CHST15: variants seen among roughly 807,000 people sequenced by gnomAD.
CHST15 encodes the protein carbohydrate sulfotransferase 15.
In CHST15, 30 loss-of-function variants were observed where a neutral mutation model predicts 53.6. That is an observed-to-expected ratio of 0.56 (90% CI 0.42 to 0.76). The LOEUF (loss-of-function observed/expected upper bound fraction) is 0.76. CHST15 is among the 30% of genes least tolerant of loss of function. The probability of loss-of-function intolerance (pLI) is 0.00; values close to 1 mark genes in which losing one functional copy is unlikely to be tolerated. For synonymous variants in CHST15, 296 were observed against 289.8 expected (o/e 1.02, Z -0.22); for missense variants, 627 against 740.5 (o/e 0.85, Z 1.78).
intron 7 of CHST15, 30 bp downstream of exon 7, chr10:124,012,303 G>C: frequency 1.3e-6 from 2 of 1,598,616 alleles, no homozygotes; most frequent in Non-Finnish European, 1.7e-6. Flanking sequence ...CTCATGCTTT[G>C]GCCCGTCAGT....
chr10:124,011,055 C>T (rs1163979271), intron 7 of CHST15: 1 of 981,550 alleles, frequency 1.0e-6, no homozygotes, highest in Non-Finnish European at 1.2e-6. Flanking sequence ...TGAGGAGAGG[C>T]CCTGGAAAAG....
intron 3 of CHST15, 118 bp downstream of exon 3, chr10:124,044,462 G>A: frequency 1.2e-6 from 1 of 818,888 alleles, no homozygotes; most frequent in South Asian, 2.1e-5. Context: ...CTCCTAACAA[G>A]GGAATTGTGC....
chr10:124,014,114 C>G (rs569088424), intron 6 of CHST15, among the ~76,000 whole-genome samples: 1 of 152,214 alleles, frequency 6.6e-6, no homozygotes, highest in Non-Finnish European at 1.5e-5. Context: ...TCCTGGCTCC[C>G]CAGGCTCCTC....
At chr10:124,030,651 G>A (rs79475417) in intron 5 of CHST15, among the ~76,000 whole-genome samples, 2,044 of 152,306 alleles carry the variant, frequency 0.013, 49 homozygotes, top group African/African-American at 0.046. Context: ...AACAGCCTGC[G>A]TTTTAATCCT....
chr10:124,038,708 G>T, intron 4 of CHST15, 37 bp from the exon 5 acceptor site: 1 of 1,606,672 alleles, frequency 6.2e-7, no homozygotes, highest in South Asian at 1.1e-5. Context: ...GCAGGGGTGT[G>T]ATTCAGGCTC....
rs560147611 is a variant in CHST15 at position 124,087,813 on chromosome 10, C to A, written c.-513+5656G>T. Among the ~76,000 whole-genome samples the A allele has an allele frequency of 2.6e-5, 4 of 151,948 alleles. No individual in the cohort carries two copies. In the South Asian group the frequency reaches 8.3e-4, roughly 32 times the overall value. Reference sequence around the variant, plus strand: ...ACCAGCACAGTTCCACCTAGAGCCACGCGGTCTCCTCTCTCTGGTTAATTG... The same window carrying A: ...ACCAGCACAGTTCCACCTAGAGCCAAGCGGTCTCCTCTCTCTGGTTAATTG... On this transcript the variant is annotated intron_variant, in intron 1 of 7. Transcript: ENST00000435907.
intron 1 of CHST15, among the ~76,000 whole-genome samples, chr10:124,078,984 T>C (rs970515034): frequency 6.6e-6 from 1 of 152,138 alleles, no homozygotes; most frequent in Non-Finnish European, 1.5e-5. Flanking sequence ...AGGCAGCATA[T>C]AGGAGTGCCA....
intron 1 of CHST15, among the ~76,000 whole-genome samples, chr10:124,047,816 G>A (rs118132998): frequency 0.014 from 2,065 of 152,216 alleles, 68 homozygotes; most frequent in East Asian, 0.091. Context: ...ATTTTTCATT[G>A]TCAGTGAATG....
intron 5 of CHST15, among the ~76,000 whole-genome samples, chr10:124,023,478 C>T (rs578084900): frequency 3.6e-5 from 5 of 140,148 alleles, no homozygotes; most frequent in Admixed American, 7.4e-5. Context: ...GGAGTGAGAA[C>T]CTCTCTCAAA....
Position 124,021,294 on chromosome 10 carries a change from C to G in CHST15, c.1309G>C (p.Ala437Pro). ...TTGAGGGTGTTGTTGTAGACGCAGG[C>G]GCGCAGTGAATAATCAAGCATGCAA... ...ENCMLDYSLRACVYNNTLNNA... is the reference protein window; with the variant it reads ...ENCMLDYSLRPCVYNNTLNNA... The change falls in exon 6 of 8, where the codon GCC becomes CCC. Residue 437 changes from alanine to proline, a missense_variant. Coordinates refer to ENST00000435907, the MANE Select transcript of CHST15 (RefSeq NM_001270764.2). The G allele has an allele frequency of 6.2e-7, 1 of 1,611,794 alleles. No individual in the cohort carries two copies. Among genetic ancestry groups the G allele is most frequent in the Non-Finnish European group, 8.5e-7 (1 of 1,179,346 alleles).
chr10:124,021,466 A>T (rs1946787905), intron 5 of CHST15, 54 bp from the exon 6 acceptor site: 1 of 1,560,300 alleles, frequency 6.4e-7, no homozygotes, highest in African/African-American at 1.4e-5. Context: ...CAATCACACC[A>T]TTTGGGCGAC....
chr10:124,061,380 G>A (rs2134101732), intron 1 of CHST15, among the ~76,000 whole-genome samples: 1 of 152,296 alleles, frequency 6.6e-6, no homozygotes, highest in South Asian at 2.1e-4. Context: ...TTTTGCTTCT[G>A]TCTCATTTTC....
intron 5 of CHST15, among the ~76,000 whole-genome samples, chr10:124,033,016 A>G (rs1009899381): frequency 6.6e-6 from 1 of 152,204 alleles, no homozygotes; most frequent in East Asian, 1.9e-4. Context: ...GACCAATCCA[A>G]CTTGCAGCCA....
chr10:124,032,830 G>T (rs925205228), intron 5 of CHST15, among the ~76,000 whole-genome samples: 1 of 147,626 alleles, frequency 6.8e-6, no homozygotes, highest in Non-Finnish European at 1.5e-5. Flanking sequence ...AAAAAAAATG[G>T]ACTTGCCACT....
chr10:124,068,669 T>C (rs948301993), intron 1 of CHST15, among the ~76,000 whole-genome samples: 1 of 152,164 alleles, frequency 6.6e-6, no homozygotes, highest in African/African-American at 2.4e-5. Flanking sequence ...TCAAAACACA[T>C]ATATTTTAAT....
At chr10:124,067,235 A>G (rs1016025107) in intron 1 of CHST15, among the ~76,000 whole-genome samples, 1 of 152,222 alleles carries the variant, frequency 6.6e-6, no homozygotes, top group Non-Finnish European at 1.5e-5. Flanking sequence ...TCGTCCATGG[A>G]TATTTTCTGG....
chr10:124,038,434 T>C (rs1352887976), intron 5 of CHST15, 81 bp downstream of exon 5: 7 of 1,516,650 alleles, frequency 4.6e-6, no homozygotes, highest in Non-Finnish European at 6.3e-6. Flanking sequence ...GGAGACAAAA[T>C]CTTATTTGTC....
In CHST15 at chr10:124,088,321, G is replaced by A. The variant is rs756795368; in HGVS notation, c.-513+5148C>T. ...CTCTGACTTGCACGAGCTCCGCCTC[G>A]CCCACTGATCTGAGTGCTGTGCTCT... On this transcript the variant is annotated intron_variant, in intron 1 of 7. Coordinates refer to ENST00000435907, the MANE Select transcript of CHST15 (RefSeq NM_001270764.2). 5.3e-5 allele frequency among the ~76,000 whole-genome samples: 8 copies of A among 152,218 alleles called. No homozygotes were observed. In the South Asian group the frequency reaches 6.2e-4, roughly 12 times the overall value.
At chr10:124,041,482 T>C (rs540359862) in intron 4 of CHST15, among the ~76,000 whole-genome samples, 2 of 152,282 alleles carry the variant, frequency 1.3e-5, no homozygotes, top group South Asian at 2.1e-4. Context: ...CTATTAATCC[T>C]GTATTGCATG....
Sources: gnomAD v4.1 joint callset for allele counts (sites outside exome capture counted in the v4.1 genomes callset) on GRCh38, gnomAD v4.1.1 for gene constraint, MANE v1.5 for transcripts, NCBI Gene and HGNC (gene_info 2026-07-23, HGNC 2026-07-21) for gene names.